The following TMEM255A variants were observed in gnomAD, a reference collection of about 807,000 sequenced individuals.
TMEM255A encodes transmembrane protein 255A.
TMEM255A carries 14 observed loss-of-function variants against 23.5 expected under a neutral mutation model. The ratio of observed to expected loss-of-function variants is 0.60; its 90% CI spans 0.39 to 0.93. The LOEUF (loss-of-function observed/expected upper bound fraction) is 0.93, where lower values mean the gene tolerates loss of function less well. TMEM255A is among the 40% of genes least tolerant of loss of function. The pLI is 0.00. For synonymous variants in TMEM255A, 104 were observed against 100.3 expected (o/e 1.04, Z -0.22); for missense variants, 233 against 261.7 (o/e 0.89, Z 0.76).
At chrX:120,309,364 C>T (rs1028439737) in intron 1 of TMEM255A, among the ~76,000 whole-genome samples, 4 of 113,141 alleles carry the variant, frequency 3.5e-5, no homozygotes, top group Admixed American at 2.8e-4. Flanking sequence ...TCGCTGAGGG[C>T]CCCTGGGAGC....
Position 120,260,706 on chromosome X carries a change from G to A in TMEM255A, c.*164C>T. The A allele has an allele frequency of 1.5e-6, 1 of 678,013 alleles. No homozygotes were observed. 55.9% of individuals were successfully genotyped at this position (678,013 alleles called of 1,213,427 possible). A position where few individuals can be genotyped will look rare whatever the true frequency, so the allele number is the denominator to read the frequency against. ...CGTTCAGCCTGACCACCCCTGCTCTGCACTAATAATGAATAAGCTTCGTCC... is the reference window on the plus strand; with the variant it reads ...CGTTCAGCCTGACCACCCCTGCTCTACACTAATAATGAATAAGCTTCGTCC... On this transcript the variant is annotated 3_prime_UTR_variant, in exon 9 of 9. Transcript: ENST00000371369.
At chrX:120,287,090 G>A in intron 5 of TMEM255A, 64 bp downstream of exon 5, 1 of 944,840 alleles carries the variant, frequency 1.1e-6, no homozygotes, top group Admixed American at 2.2e-5. Flanking sequence ...AAAAGAAAGG[G>A]TGTTTCAGGC....
intron 6 of TMEM255A, 85 bp downstream of exon 6, chrX:120,285,042 C>T: frequency 1.2e-6 from 1 of 852,777 alleles, no homozygotes; most frequent in South Asian, 2.0e-5. Context: ...CCCTAATTCC[C>T]ACAATGCACC....
At position 120,277,032 on chromosome X, in the gene TMEM255A, A is replaced by T. The variant is rs1556019970; in HGVS notation, c.528T>A (p.Thr176=). 8.3e-7 allele frequency: 1 copy of T among 1,209,007 alleles called. No homozygotes were observed. The highest frequency in any genetic ancestry group is 3.0e-5 in the East Asian group (1 of 33,744). The change falls in exon 7 of 9, where the codon ACT becomes ACA. Residue 176 remains threonine (T), a synonymous_variant. Coordinates refer to ENST00000371369, the MANE Select transcript of TMEM255A (RefSeq NM_001104544.3). ...LYNCGNRVEI[T]GGYYEYIDVS... Reference sequence around the variant, plus strand: ...CATCGATGTATTCGTAGTACCCACCAGTGATCTCCACCCGGCTGGACAGGG... The same window carrying T: ...CATCGATGTATTCGTAGTACCCACCTGTGATCTCCACCCGGCTGGACAGGG...
intron 3 of TMEM255A, among the ~76,000 whole-genome samples, chrX:120,292,714 G>C (rs5956201): frequency 0.43 from 46,200 of 106,329 alleles, 8,074 homozygotes; most frequent in African/African-American, 0.59. Flanking sequence ...GAGCCGAGAT[G>C]GTGCCACTCC....
In TMEM255A at chrX:120,268,916, C is replaced by T. The variant is rs969282084; in HGVS notation, c.676-529G>A. On this transcript the variant is annotated intron_variant, in intron 7 of 8. Coordinates refer to ENST00000371369, the MANE Select transcript of TMEM255A (RefSeq NM_001104544.3). ...ATGCAAAACATCAAATAGAGAAGGC[C>T]GAACCAGCTAGTGTTCTTGCTGTGA... Among the ~76,000 whole-genome samples the T allele has an allele frequency of 7.2e-5, 8 of 111,079 alleles. No individual in the cohort carries two copies. In the East Asian group the frequency reaches 8.5e-4, roughly 12 times the overall value.
chrX:120,306,585 A>T (rs1296442817), intron 1 of TMEM255A, among the ~76,000 whole-genome samples: 2 of 112,008 alleles, frequency 1.8e-5, no homozygotes, highest in Non-Finnish European at 3.8e-5. Flanking sequence ...ACATTTGGAT[A>T]CACCACGGAT....
Position 120,294,582 on chromosome X carries a change from C to G in TMEM255A, c.202-531G>C, listed in dbSNP as rs554889373. On this transcript the variant is annotated intron_variant, in intron 2 of 8. Coordinates refer to ENST00000371369, the MANE Select transcript of TMEM255A (RefSeq NM_001104544.3). The stretch of plus-strand genomic sequence containing the variant: ...ATACCTAAGAAGAAACTTATGTGCC[C>G]AAAAACTAAAAGTAAAGGTCAACCA... Among the ~76,000 whole-genome samples the G allele has an allele frequency of 7.0e-4, 79 of 112,243 alleles. 2 individuals are homozygous for G. The South Asian group carries it at 0.028, about 40-fold the overall frequency.
chrX:120,272,553 C>A (rs1051834207), intron 7 of TMEM255A, among the ~76,000 whole-genome samples: 5 of 110,369 alleles, frequency 4.5e-5, no homozygotes, highest in African/African-American at 1.3e-4. Context: ...TGAGTTCTCA[C>A]GAGATCTGAT....
At chrX:120,294,858 A>G (rs1336369171) in intron 2 of TMEM255A, among the ~76,000 whole-genome samples, 1 of 111,916 alleles carries the variant, frequency 8.9e-6, no homozygotes, top group Non-Finnish European at 1.9e-5. Context: ...AACCCACACT[A>G]AAAAATTTTT....
chrX:120,291,573 T>A (rs1456821584), intron 3 of TMEM255A, among the ~76,000 whole-genome samples: 1 of 103,483 alleles, frequency 9.7e-6, no homozygotes, highest in African/African-American at 3.6e-5. Context: ...ATTCACTCTG[T>A]GAGCACCAAA....
intron 4 of TMEM255A, 114 bp from the exon 5 acceptor site, chrX:120,287,336 C>CACACACACACACACACAG: frequency 1.8e-6 from 1 of 545,797 alleles, no homozygotes; most frequent in Non-Finnish European, 3.1e-6. Flanking sequence ...CACACACACA[C>CACACACACACACACACAG]AGAAGCAGGC....
Position 120,279,528 on chromosome X carries a change from C to T in TMEM255A, c.513-2481G>A, listed in dbSNP as rs782078635. Among the ~76,000 whole-genome samples, 9 of 112,078 alleles carry T rather than the reference C, an allele frequency of 8.0e-5. No homozygotes were observed. In the South Asian group the frequency reaches 2.3e-3, roughly 28 times the overall value. On this transcript the variant is annotated intron_variant, in intron 6 of 8. Coordinates refer to ENST00000371369, the MANE Select transcript of TMEM255A (RefSeq NM_001104544.3). ...GGGTGAGTGTGGAACTGCAGGAGCA[C>T]CTTTGTAGCTTGGGAGTCAACTTCT...
intron 2 of TMEM255A, among the ~76,000 whole-genome samples, chrX:120,303,931 C>T (rs1341656636): frequency 1.8e-5 from 2 of 111,336 alleles, no homozygotes; most frequent in African/African-American, 6.5e-5. Context: ...TGCAGGATCA[C>T]TTTGGAGATC....
intron 7 of TMEM255A, 83 bp from the exon 8 acceptor site, chrX:120,268,470 G>A (rs2057732241): frequency 1.4e-6 from 1 of 701,151 alleles, no homozygotes; most frequent in Non-Finnish European, 2.0e-6. Flanking sequence ...TCTATACTAT[G>A]GAATACCATG....
intron 1 of TMEM255A, among the ~76,000 whole-genome samples, chrX:120,304,800 T>C (rs1330679816): frequency 8.9e-6 from 1 of 111,984 alleles, no homozygotes; most frequent in East Asian, 2.8e-4. Flanking sequence ...TCACAACTAC[T>C]TAGTAGAGTG....
chrX:120,251,777 T>C, the TMEM255A span, among the ~76,000 whole-genome samples: 4 of 112,266 alleles, frequency 3.6e-5, no homozygotes, highest in Middle Eastern at 4.6e-3. Flanking sequence ...CAGACCGACT[T>C]GTGCTGTCTC....
In TMEM255A at chrX:120,276,986, T is replaced by A; in HGVS notation, c.574A>T (p.Ile192Phe). The change falls in exon 7 of 9, where the codon ATC becomes TTC. Residue 192 changes from isoleucine to phenylalanine, a missense_variant. By Grantham distance (21) the Ile-to-Phe change is conservative (BLOSUM62 0). Transcript: ENST00000371369. ...GACCAGAGCAGGTGGTAGAGGTGGA[T>A]GATATCTTGGCAACTGCTGACATCG... The part of the protein sequence containing the change: ...YIDVSSCQDI[I>F]HLYHLLWSAT... The A allele has an allele frequency of 8.3e-7, 1 of 1,211,061 alleles. No individual in the cohort carries two copies. Among genetic ancestry groups the A allele is most frequent in the South Asian group, 1.8e-5 (1 of 56,925 alleles).
At chrX:120,275,869 T>A (rs2057794659) in intron 7 of TMEM255A, among the ~76,000 whole-genome samples, 1 of 103,156 alleles carries the variant, frequency 9.7e-6, no homozygotes, top group Admixed American at 1.1e-4. Context: ...CATGGCTTAC[T>A]GCAACCTCAA....
Sources: gnomAD v4.1 joint callset for allele counts (sites outside exome capture counted in the v4.1 genomes callset) on GRCh38, gnomAD v4.1.1 for gene constraint, MANE v1.5 for transcripts, NCBI Gene and HGNC (gene_info 2026-07-23, HGNC 2026-07-21) for gene names.